Variants in UBTD2 observed in about 807,000 individuals in gnomAD.
UBTD2 encodes the protein ubiquitin domain-containing protein 2.
In UBTD2, 9 loss-of-function variants were observed where a neutral mutation model predicts 19.8. That is an observed-to-expected ratio of 0.46 (90% CI 0.27 to 0.79). UBTD2 has a LOEUF of 0.79. Ranked by LOEUF, UBTD2 falls within the 30% of genes least tolerant of loss-of-function variation. The pLI, the probability that UBTD2 is intolerant of heterozygous loss-of-function variation, is 0.14. For synonymous variants in UBTD2, 98 were observed against 103.9 expected, an observed-to-expected ratio of 0.94 and a Z score of 0.35; for missense variants, 250 against 300.4, an observed-to-expected ratio of 0.83 and a Z score of 1.24.
intron 1 of UBTD2, among the ~76,000 whole-genome samples, chr5:172,236,137 T>C (rs1772003811): frequency 1.3e-5 from 2 of 152,214 alleles, no homozygotes; most frequent in South Asian, 4.1e-4. Flanking sequence ...CCAGGTCAGG[T>C]CTCTTCTGTC....
At chr5:172,241,221 C>T (rs1161203994) in intron 1 of UBTD2, among the ~76,000 whole-genome samples, 2 of 151,876 alleles carry the variant, frequency 1.3e-5, no homozygotes, top group African/African-American at 4.8e-5. Context: ...TGAGACAAGC[C>T]TGGCCAACGT....
intron 1 of UBTD2, among the ~76,000 whole-genome samples, chr5:172,281,417 T>C (rs1178289395): frequency 6.6e-6 from 1 of 152,150 alleles, no homozygotes; most frequent in African/African-American, 2.4e-5. Context: ...AAGGATCACT[T>C]GTACCTGGGA....
At chr5:172,214,436 T>C (rs1309812783) in intron 2 of UBTD2, among the ~76,000 whole-genome samples, 1 of 152,222 alleles carries the variant, frequency 6.6e-6, no homozygotes, top group Non-Finnish European at 1.5e-5. Context: ...CCTCTGTGTA[T>C]TCACTAATAC....
intron 1 of UBTD2, among the ~76,000 whole-genome samples, chr5:172,263,851 C>CTGTGTGTGTGTGTG (rs111856574): frequency 0.28 from 39,091 of 142,050 alleles, 5,941 homozygotes; most frequent in East Asian, 0.48. Flanking sequence ...GCACGTGCCT[C>CTGTGTGTGTGTGTG]TGTGTGTGTG....
chr5:172,241,323 C>A (rs12521828), intron 1 of UBTD2, among the ~76,000 whole-genome samples: 2 of 151,082 alleles, frequency 1.3e-5, no homozygotes, highest in Admixed American at 1.3e-4. Flanking sequence ...GCAGGAAAAT[C>A]GCTTGAACCC....
intron 1 of UBTD2, among the ~76,000 whole-genome samples, chr5:172,281,354 C>T (rs943877825): frequency 2.0e-5 from 3 of 152,108 alleles, no homozygotes; most frequent in East Asian, 1.9e-4. Flanking sequence ...AAAAATTAGC[C>T]GGGTGCGGTG....
intron 2 of UBTD2, among the ~76,000 whole-genome samples, chr5:172,224,881 A>G (rs757976331): frequency 6.6e-6 from 1 of 152,224 alleles, no homozygotes; most frequent in Non-Finnish European, 1.5e-5. Context: ...GAACACTCTA[A>G]AAGTTGACAA....
chr5:172,279,051 T>A (rs922620957), intron 1 of UBTD2, among the ~76,000 whole-genome samples: 4 of 152,236 alleles, frequency 2.6e-5, no homozygotes, highest in African/African-American at 9.6e-5. Flanking sequence ...GTGGTGCGAA[T>A]GCAGGCGTAA....
In UBTD2 at chr5:172,209,872, G is replaced by T. The variant is rs761072487; in HGVS notation, c.*1958C>A. The T allele has an allele frequency of 3.9e-5, 6 of 152,390 alleles. No homozygotes were observed. Among genetic ancestry groups the T allele is most frequent in the Non-Finnish European group, 8.8e-5 (6 of 67,990 alleles). The allele number at this position is 152,390 out of a possible 1,614,324, so 9.4% of individuals were successfully genotyped here. On this transcript the variant is annotated 3_prime_UTR_variant, in exon 3 of 3. Coordinates refer to ENST00000393792, the MANE Select transcript of UBTD2 (RefSeq NM_152277.3). Reference sequence around the variant, plus strand: ...AAAGAGAGCTCAAATCCTCAACAAAGAAAGACCTTTTACCAATCGATATCA... The same window carrying T: ...AAAGAGAGCTCAAATCCTCAACAAATAAAGACCTTTTACCAATCGATATCA...
chr5:172,229,209 G>A (rs1195998268), intron 2 of UBTD2, among the ~76,000 whole-genome samples: 5 of 151,778 alleles, frequency 3.3e-5, no homozygotes, highest in Admixed American at 3.3e-4. Flanking sequence ...AGGTTAAGAG[G>A]AGAGCTTTTG....
intron 1 of UBTD2, among the ~76,000 whole-genome samples, chr5:172,248,516 A>T (rs991517706): frequency 6.6e-6 from 1 of 151,786 alleles, no homozygotes; most frequent in Non-Finnish European, 1.5e-5. Flanking sequence ...TGAACCCAGG[A>T]GGCGAAGGTT....
rs1414932956 is a variant in UBTD2, at chr5:172,211,316, C to T, written c.*514G>A. ...AATAAAAAACCAGAATAGAAGCAAC[C>T]TCAAATACTGCTCTTTTCAGTTTCC... On this transcript the variant is annotated 3_prime_UTR_variant, in exon 3 of 3. Transcript: ENST00000393792. 6.6e-6 allele frequency: 1 copy of T among 151,966 alleles called. No homozygotes were observed. The allele number at this position is 151,966 out of a possible 1,614,324, so 9.4% of individuals were successfully genotyped here.
intron 1 of UBTD2, among the ~76,000 whole-genome samples, chr5:172,246,550 T>C (rs1353957421): frequency 2.0e-5 from 3 of 150,650 alleles, no homozygotes; most frequent in African/African-American, 7.3e-5. Context: ...GTCCAAGCAG[T>C]TCTCCTGCCT....
chr5:172,212,753 C>T (rs1771475707), intron 2 of UBTD2, among the ~76,000 whole-genome samples: 1 of 149,738 alleles, frequency 6.7e-6, no homozygotes, highest in Non-Finnish European at 1.5e-5. Context: ...CAACCTCTGC[C>T]TCCTGGGTTC....
At chr5:172,234,085 T>G in intron 2 of UBTD2, 37 bp downstream of exon 2, 1 of 1,594,668 alleles carries the variant, frequency 6.3e-7, no homozygotes. Context: ...ACAAAGTTGA[T>G]TATGTTTCCT....
intron 2 of UBTD2, among the ~76,000 whole-genome samples, chr5:172,228,260 A>G (rs2113886419): frequency 6.6e-6 from 1 of 152,320 alleles, no homozygotes; most frequent in Admixed American, 6.5e-5. Flanking sequence ...TGTCCAGGGC[A>G]TTGAGTTGCA....
chr5:172,242,855 G>C (rs1772159333), intron 1 of UBTD2, among the ~76,000 whole-genome samples: 1 of 152,030 alleles, frequency 6.6e-6, no homozygotes, highest in South Asian at 2.1e-4. Context: ...CTTTAATACT[G>C]GCATTCTTTG....
chr5:172,212,615 T>C (rs958797073), intron 2 of UBTD2, among the ~76,000 whole-genome samples: 1 of 152,136 alleles, frequency 6.6e-6, no homozygotes, highest in Non-Finnish European at 1.5e-5. Flanking sequence ...TTAAAAAAAA[T>C]TGATTTCTAA....
intron 1 of UBTD2, among the ~76,000 whole-genome samples, chr5:172,279,387 T>C (rs1755668418): frequency 6.6e-6 from 1 of 152,210 alleles, no homozygotes. Context: ...GTAGATGCTA[T>C]TCAAAAACCA....
Sources: allele counts gnomAD v4.1 joint callset (sites outside exome capture counted in the v4.1 genomes callset), GRCh38; gene constraint gnomAD v4.1.1; transcripts MANE v1.5; gene names NCBI Gene and HGNC (gene_info 2026-07-23, HGNC 2026-07-21).